Variants in NRCAM observed in about 807,000 individuals in gnomAD.
The protein encoded by NRCAM is NgCAM-related cell adhesion molecule.
NRCAM carries 83 observed loss-of-function variants against 156.5 expected under a neutral mutation model. The ratio of observed to expected loss-of-function variants is 0.53; its 90% CI spans 0.44 to 0.64. The LOEUF (loss-of-function observed/expected upper bound fraction) is 0.64, where lower values mean the gene tolerates loss of function less well. NRCAM is among the 30% of genes least tolerant of loss of function. NRCAM has a pLI of 0.00. For synonymous variants in NRCAM, 538 were observed against 563.9 expected, an observed-to-expected ratio of 0.95 and a Z score of 0.65; for missense variants, 1,417 against 1,597.3, an observed-to-expected ratio of 0.89 and a Z score of 1.92.
chr7:108,380,775 G>C (rs2099697285), intron 2 of NRCAM, among the ~76,000 whole-genome samples: 1 of 152,162 alleles, frequency 6.6e-6, no homozygotes, highest in Non-Finnish European at 1.5e-5. Flanking sequence ...GGGCTCAAGT[G>C]ATCTTCCTGC....
At chr7:108,184,121 T>C (rs2065197999) in intron 22 of NRCAM, 120 bp downstream of exon 22, 2 of 544,506 alleles carry the variant, frequency 3.7e-6, no homozygotes, top group African/African-American at 2.4e-5. Context: ...TTTATATATA[T>C]ATATATATTT....
chr7:108,176,665 T>C, intron 26 of NRCAM, 59 bp from the exon 27 acceptor site: 2 of 1,260,512 alleles, frequency 1.6e-6, no homozygotes, highest in Non-Finnish European at 2.2e-6. Flanking sequence ...GGAATACTAT[T>C]ATAAATAAAT....
At chr7:108,347,205 T>G (rs1012289784) in intron 2 of NRCAM, among the ~76,000 whole-genome samples, 2 of 151,910 alleles carry the variant, frequency 1.3e-5, no homozygotes, top group African/African-American at 4.8e-5. Context: ...GCCTGGCTAA[T>G]TTTTTGTATT....
intron 5 of NRCAM, 43 bp from the exon 6 acceptor site, chr7:108,234,731 A>G: frequency 1.5e-6 from 2 of 1,349,044 alleles, no homozygotes; most frequent in Non-Finnish European, 2.1e-6. Flanking sequence ...CAAATTATTT[A>G]AAATCATAAT....
At chr7:108,302,472 C>T (rs1384023751) in intron 3 of NRCAM, among the ~76,000 whole-genome samples, 1 of 152,128 alleles carries the variant, frequency 6.6e-6, no homozygotes, top group Non-Finnish European at 1.5e-5. Context: ...CTGCTGCCAA[C>T]CCTGTTTTGT....
At chr7:108,381,346 AATTG>A (rs2154358323) in intron 2 of NRCAM, among the ~76,000 whole-genome samples, 1 of 152,240 alleles carries the variant, frequency 6.6e-6, no homozygotes, top group South Asian at 2.1e-4. Context: ...TTTTTTATTT[AATTG>A]CATATCCTAA....
intron 2 of NRCAM, among the ~76,000 whole-genome samples, chr7:108,370,616 T>G (rs2099622304): frequency 6.6e-6 from 1 of 152,098 alleles, no homozygotes; most frequent in South Asian, 2.1e-4. Flanking sequence ...AATATTTAAC[T>G]CATTGGCCCC....
intron 1 of NRCAM, among the ~76,000 whole-genome samples, chr7:108,443,907 C>A (rs144884662): frequency 2.1e-5 from 1 of 48,518 alleles, no homozygotes; most frequent in Non-Finnish European, 4.8e-5. Flanking sequence ...TACATACATA[C>A]ATACATACAT....
intron 2 of NRCAM, among the ~76,000 whole-genome samples, chr7:108,333,280 G>A (rs547538582): frequency 2.0e-5 from 3 of 151,974 alleles, no homozygotes; most frequent in East Asian, 1.9e-4. Context: ...ACACATACAC[G>A]CACACACACG....
intron 2 of NRCAM, among the ~76,000 whole-genome samples, chr7:108,397,097 T>C (rs1027361983): frequency 2.6e-5 from 4 of 152,104 alleles, no homozygotes; most frequent in African/African-American, 9.7e-5. Context: ...TCAATAAAGA[T>C]TTAGAATAAG....
chr7:108,215,664 A>G (rs932269112), intron 11 of NRCAM, among the ~76,000 whole-genome samples: 5 of 149,690 alleles, frequency 3.3e-5, no homozygotes, highest in Admixed American at 1.3e-4. Flanking sequence ...ATTATGTAAT[A>G]CCCTTGTCTT....
At chr7:108,251,062 A>G (rs1447962518) in intron 3 of NRCAM, among the ~76,000 whole-genome samples, 1 of 152,320 alleles carries the variant, frequency 6.6e-6, no homozygotes, top group East Asian at 1.9e-4. Context: ...GTTGGTTGAT[A>G]AGAATGTTAA....
chr7:108,392,799 C>T (rs1399866589), intron 2 of NRCAM, among the ~76,000 whole-genome samples: 3 of 152,314 alleles, frequency 2.0e-5, no homozygotes, highest in East Asian at 3.9e-4. Context: ...TCAGGACCCT[C>T]GGCTGCAGGT....
intron 32 of NRCAM, among the ~76,000 whole-genome samples, chr7:108,153,185 G>GA (rs1375818144): frequency 6.6e-6 from 1 of 152,144 alleles, no homozygotes; most frequent in South Asian, 2.1e-4. Context: ...GAACATAGAT[G>GA]AAAAAACCCC....
intron 32 of NRCAM, among the ~76,000 whole-genome samples, chr7:108,153,814 A>G (rs1303780588): frequency 1.3e-5 from 2 of 152,164 alleles, no homozygotes; most frequent in African/African-American, 4.8e-5. Context: ...AATTCAAAAT[A>G]TTATTCCATT....
At chr7:108,379,756 T>C (rs1335165688) in intron 2 of NRCAM, among the ~76,000 whole-genome samples, 1 of 152,082 alleles carries the variant, frequency 6.6e-6, no homozygotes, top group Non-Finnish European at 1.5e-5. Context: ...TTTAACTCAA[T>C]ATATAAGATA....
chr7:108,391,914 T>C (rs188793473), intron 2 of NRCAM, among the ~76,000 whole-genome samples: 1 of 152,252 alleles, frequency 6.6e-6, no homozygotes, highest in Non-Finnish European at 1.5e-5. Context: ...CACTCTCTTC[T>C]GGCTTGCAGA....
At position 108,426,662 on chromosome 7, in the gene NRCAM, C is replaced by G. The variant is rs961182450; in HGVS notation, c.-331-27069G>C. Reference sequence around the variant, plus strand: ...AAGACCACCTGTCATTTGGCCTGAACAAAGGGCACACAAGCACATTTTATT... The same window carrying G: ...AAGACCACCTGTCATTTGGCCTGAAGAAAGGGCACACAAGCACATTTTATT... On this transcript the variant is annotated intron_variant, in intron 1 of 32. Coordinates refer to ENST00000379028, the MANE Select transcript of NRCAM (RefSeq NM_001037132.4). Among the ~76,000 whole-genome samples the G allele has an allele frequency of 6.6e-5, 10 of 152,324 alleles. No homozygotes were observed. The South Asian group carries it at 2.1e-3, about 32-fold the overall frequency.
At chr7:108,367,068 T>A (rs2099596167) in intron 2 of NRCAM, among the ~76,000 whole-genome samples, 1 of 152,236 alleles carries the variant, frequency 6.6e-6, no homozygotes, top group Non-Finnish European at 1.5e-5. Flanking sequence ...CTCAATTCTT[T>A]GGCAGTCTGC....
Sources: gnomAD v4.1 joint callset for allele counts (sites outside exome capture counted in the v4.1 genomes callset) on GRCh38, gnomAD v4.1.1 for gene constraint, MANE v1.5 for transcripts, NCBI Gene and HGNC (gene_info 2026-07-23, HGNC 2026-07-21) for gene names.